INSL6: variants seen among roughly 807,000 people sequenced by gnomAD.
The protein encoded by INSL6 is insulin like 6.
A neutral mutation model predicts 9.4 loss-of-function variants in INSL6; 16 were observed. The observed-to-expected ratio is 1.70, with a 90% CI of 1.15 to 2.59. The LOEUF (loss-of-function observed/expected upper bound fraction) is 2.59, where lower values mean the gene tolerates loss of function less well. Ranked by LOEUF, INSL6 falls within the 30% of genes most tolerant of loss-of-function variation. The pLI, the probability that INSL6 is intolerant of heterozygous loss-of-function variation, is 0.00. For synonymous variants in INSL6, 154 were observed against 96.9 expected, an observed-to-expected ratio of 1.59 and a Z score of -3.46; for missense variants, 391 against 257.3, an observed-to-expected ratio of 1.52 and a Z score of -3.56.
At chr9:5,003,876 C>G in the INSL6 span, among the ~76,000 whole-genome samples, 1 of 151,690 alleles carries the variant, frequency 6.6e-6, no homozygotes, top group African/African-American at 2.4e-5. Flanking sequence ...GCTTTTATTC[C>G]TAGTTTGAGA....
intron 2 of INSL6, among the ~76,000 whole-genome samples, chr9:5,139,503 A>G (rs551807401): frequency 6.6e-6 from 1 of 152,264 alleles, no homozygotes; most frequent in Admixed American, 6.5e-5. Context: ...GAAAATAAAA[A>G]GAAGTGTTAT....
rs1452346502 is a variant in INSL6 at position 5,127,288 on chromosome 9, TACAA to T, written c.*11-2781_*11-2778del. ...TAATCTATAATTAATTACTTCACTA[TACAA>T]ACAAATTAAGATGTTCAGATAATTG... is the stretch of plus-strand genomic sequence containing the variant. On this transcript the variant is annotated intron_variant, in intron 3 of 3. Coordinates refer to the INSL6 transcript ENST00000649639. 3 of 232,434 alleles carry T rather than the reference TACAA, an allele frequency of 1.3e-5. 1 individual carries two copies. Among genetic ancestry groups the T allele is most frequent in the South Asian group, 3.6e-4 (2 of 5,516 alleles). 14.4% of individuals were successfully genotyped at this position (232,434 alleles called of 1,614,324 possible). A position where few individuals can be genotyped will look rare whatever the true frequency, so the allele number is the denominator to read the frequency against.
the INSL6 span, among the ~76,000 whole-genome samples, chr9:4,997,561 A>G: frequency 3.9e-5 from 6 of 152,294 alleles, no homozygotes; most frequent in South Asian, 1.2e-3. Flanking sequence ...CCCCATGATC[A>G]AGTCACCTCC....
At chr9:5,025,811 A>C in the INSL6 span, among the ~76,000 whole-genome samples, 4 of 151,964 alleles carry the variant, frequency 2.6e-5, no homozygotes, top group Admixed American at 2.6e-4. Context: ...GAGCCACTGC[A>C]CCCAGCCAGA....
At chr9:5,035,167 C>T in the INSL6 span, among the ~76,000 whole-genome samples, 1 of 152,172 alleles carries the variant, frequency 6.6e-6, no homozygotes, top group Non-Finnish European at 1.5e-5. Flanking sequence ...CATACACCCT[C>T]CCAAGACTAA....
At chr9:5,175,408 CAGT>C (rs1825275919) in intron 1 of INSL6, among the ~76,000 whole-genome samples, 1 of 152,208 alleles carries the variant, frequency 6.6e-6, no homozygotes, top group African/African-American at 2.4e-5. Flanking sequence ...ATTCTCAACA[CAGT>C]AGCCAGAGTG....
At chr9:5,007,850 C>T in the INSL6 span, among the ~76,000 whole-genome samples, 3 of 152,016 alleles carry the variant, frequency 2.0e-5, no homozygotes, top group African/African-American at 7.2e-5. Flanking sequence ...ATCTCAGCCT[C>T]CCAAGTAGCT....
At chr9:5,175,262 T>C (rs1394798845) in intron 1 of INSL6, among the ~76,000 whole-genome samples, 1 of 152,136 alleles carries the variant, frequency 6.6e-6, no homozygotes, top group Non-Finnish European at 1.5e-5. Context: ...TTGATTTCTC[T>C]TCCTCATATC....
the INSL6 span, among the ~76,000 whole-genome samples, chr9:5,004,232 C>A: frequency 6.6e-6 from 1 of 152,126 alleles, no homozygotes; most frequent in Admixed American, 6.5e-5. Flanking sequence ...CTTCAGTTTA[C>A]TCCTCCTATC....
the INSL6 span, among the ~76,000 whole-genome samples, chr9:5,000,761 T>A: frequency 6.6e-6 from 1 of 152,236 alleles, no homozygotes; most frequent in East Asian, 1.9e-4. Context: ...GGAGATACCA[T>A]CTTCTTGTTT....
At chr9:5,174,632 C>G (rs1825257019) in intron 1 of INSL6, among the ~76,000 whole-genome samples, 1 of 152,164 alleles carries the variant, frequency 6.6e-6, no homozygotes, top group Non-Finnish European at 1.5e-5. Context: ...TTCTGGTGAT[C>G]TCCTCTAGTC....
chr9:5,032,210 C>T, the INSL6 span, among the ~76,000 whole-genome samples: 2 of 152,178 alleles, frequency 1.3e-5, no homozygotes, highest in African/African-American at 2.4e-5. Context: ...GAGGGGCGCC[C>T]GCCATTGCCG....
the INSL6 span, among the ~76,000 whole-genome samples, chr9:5,061,368 CTGTT>C: frequency 6.6e-6 from 1 of 152,212 alleles, no homozygotes; most frequent in East Asian, 1.9e-4. Flanking sequence ...ATTTGAAAAT[CTGTT>C]TGTTAGTGTC....
At chr9:4,998,413 C>T in the INSL6 span, among the ~76,000 whole-genome samples, 1,377 of 152,228 alleles carry the variant, frequency 9.0e-3, 13 homozygotes, top group Middle Eastern at 0.02. Context: ...CGCACCACCA[C>T]GCCCAGCTAA....
the INSL6 span, chr9:5,041,680 T>G: frequency 1.1e-3 from 540 of 511,368 alleles, no homozygotes; most frequent in African/African-American, 0.01. Context: ...AGCTACCTCT[T>G]CGACCGAAGC....
At chr9:5,068,514 C>A in the INSL6 span, among the ~76,000 whole-genome samples, 2 of 152,138 alleles carry the variant, frequency 1.3e-5, no homozygotes, top group African/African-American at 2.4e-5. Flanking sequence ...AATAAAGGTT[C>A]ATTGCTCAGA....
intron 2 of INSL6, among the ~76,000 whole-genome samples, chr9:5,137,373 T>C (rs975268139): frequency 8.5e-5 from 13 of 152,064 alleles, no homozygotes; most frequent in African/African-American, 3.1e-4. Flanking sequence ...TCAAACTACA[T>C]TACAAGGCTA....
chr9:5,013,524 AC>A, the INSL6 span, among the ~76,000 whole-genome samples: 3 of 152,210 alleles, frequency 2.0e-5, no homozygotes, highest in Non-Finnish European at 4.4e-5. Flanking sequence ...AGAAGCACTG[AC>A]CTATCTGAAC....
At chr9:5,102,866 G>A in the INSL6 span, among the ~76,000 whole-genome samples, 1 of 152,054 alleles carries the variant, frequency 6.6e-6, no homozygotes, top group Non-Finnish European at 1.5e-5. Flanking sequence ...TCATTACCAG[G>A]CCTGCCTTAC....
Sources: gnomAD v4.1 joint callset for allele counts (sites outside exome capture counted in the v4.1 genomes callset) on GRCh38, gnomAD v4.1.1 for gene constraint, MANE v1.5 for transcripts, NCBI Gene and HGNC (gene_info 2026-07-23, HGNC 2026-07-21) for gene names.